The following PAPPA2 variants were observed in gnomAD, a reference collection of about 807,000 sequenced individuals.
PAPPA2 encodes the protein pappalysin-2.
A neutral mutation model predicts 176.4 loss-of-function variants in PAPPA2; 86 were observed. The ratio of observed to expected loss-of-function variants is 0.49; its 90% CI spans 0.41 to 0.58. The LOEUF is 0.58. Ranked by LOEUF, PAPPA2 falls within the 20% of genes least tolerant of loss-of-function variation. PAPPA2 has a pLI of 0.00. For synonymous variants in PAPPA2, 809 were observed against 852.2 expected (o/e 0.95, Z 0.88); for missense variants, 2,073 against 2,256.9 (o/e 0.92, Z 1.65).
At chr1:176,501,124 A>T (rs77009658) in intron 1 of PAPPA2, among the ~76,000 whole-genome samples, 1 of 149,878 alleles carries the variant, frequency 6.7e-6, no homozygotes, top group Non-Finnish European at 1.5e-5. Context: ...ATACAATTAT[A>T]TGAAAGAAAT....
At chr1:176,631,618 G>A (rs1558484298) in intron 3 of PAPPA2, among the ~76,000 whole-genome samples, 1 of 152,150 alleles carries the variant, frequency 6.6e-6, no homozygotes, top group Non-Finnish European at 1.5e-5. Context: ...ATAAAGACAG[G>A]AAAATCTTGA....
chr1:176,571,769 A>C (rs984433181), intron 2 of PAPPA2, among the ~76,000 whole-genome samples: 4 of 152,216 alleles, frequency 2.6e-5, no homozygotes, highest in Non-Finnish European at 5.9e-5. Context: ...ACTAACTATA[A>C]TATTTTAGTT....
chr1:176,525,886 T>G (rs944648788), intron 1 of PAPPA2, among the ~76,000 whole-genome samples: 1 of 152,212 alleles, frequency 6.6e-6, no homozygotes, highest in Non-Finnish European at 1.5e-5. Context: ...TCCTCTACTT[T>G]GGAATTTTGA....
chr1:176,815,633 C>A (rs1488342185), intron 21 of PAPPA2, among the ~76,000 whole-genome samples: 1 of 152,100 alleles, frequency 6.6e-6, no homozygotes, highest in African/African-American at 2.4e-5. Context: ...GACACAGCCT[C>A]AGGAGGTTGT....
intron 17 of PAPPA2, among the ~76,000 whole-genome samples, chr1:176,771,760 G>A (rs182034254): frequency 4.5e-4 from 68 of 152,100 alleles, no homozygotes; most frequent in African/African-American, 1.6e-3. Flanking sequence ...TTACGTATGT[G>A]CACTCCTAGA....
At chr1:176,487,973 A>G (rs1382182360) in intron 1 of PAPPA2, among the ~76,000 whole-genome samples, 1 of 152,218 alleles carries the variant, frequency 6.6e-6, no homozygotes, top group Non-Finnish European at 1.5e-5. Flanking sequence ...TTAGGCAGGT[A>G]AGTAGAAAAA....
intron 4 of PAPPA2, among the ~76,000 whole-genome samples, chr1:176,681,329 C>A (rs920835531): frequency 2.6e-5 from 4 of 152,182 alleles, no homozygotes; most frequent in East Asian, 1.9e-4. Flanking sequence ...AGCACCAAGT[C>A]TCTCACTGAG....
At chr1:176,700,898 G>T (rs533924003) in intron 8 of PAPPA2, among the ~76,000 whole-genome samples, 3 of 152,164 alleles carry the variant, frequency 2.0e-5, no homozygotes, top group Admixed American at 2.0e-4. Context: ...TCCCATATTT[G>T]CTCTGTCAAT....
intron 17 of PAPPA2, among the ~76,000 whole-genome samples, chr1:176,774,259 T>A (rs537100276): frequency 5.9e-5 from 9 of 152,258 alleles, no homozygotes; most frequent in African/African-American, 1.7e-4. Flanking sequence ...TCAGTTACCA[T>A]CTGCGTGCTG....
intron 21 of PAPPA2, among the ~76,000 whole-genome samples, chr1:176,832,395 C>T (rs531489929): frequency 1.2e-3 from 190 of 152,274 alleles, no homozygotes; most frequent in African/African-American, 4.4e-3. Flanking sequence ...GTCTCACTCT[C>T]ACCCAGGAGG....
At position 176,695,595 on chromosome 1, in the gene PAPPA2, A is replaced by T. The variant is rs564223894; in HGVS notation, c.2625-143A>T. ...GTCCACACAAGAAAAAACGATTGAGATACAGTTGTTCTTAGTTACTCTCTA... is the reference window on the plus strand; with the variant it reads ...GTCCACACAAGAAAAAACGATTGAGTTACAGTTGTTCTTAGTTACTCTCTA... On this transcript the variant is annotated intron_variant, in intron 6 of 22. Transcript: ENST00000367662. The T allele has an allele frequency of 1.1e-4, 98 of 911,582 alleles. 1 individual carries two copies. Among genetic ancestry groups the T allele is most frequent in the Admixed American group, 6.1e-4 (25 of 40,986 alleles). The allele number at this position is 911,582 out of a possible 1,614,324, so 56.5% of individuals were successfully genotyped here.
intron 17 of PAPPA2, among the ~76,000 whole-genome samples, chr1:176,781,893 C>G (rs1406551175): frequency 1.3e-5 from 2 of 152,104 alleles, no homozygotes; most frequent in Non-Finnish European, 2.9e-5. Context: ...GGCTTTCTAA[C>G]TTCAGTTCAA....
chr1:176,480,805 A>G (rs1652357930), intron 1 of PAPPA2, among the ~76,000 whole-genome samples: 2 of 152,080 alleles, frequency 1.3e-5, no homozygotes, highest in African/African-American at 2.4e-5. Flanking sequence ...CTTGCCAGCA[A>G]GGAAAATCCT....
At chr1:176,623,280 C>G (rs1395461) in intron 3 of PAPPA2, among the ~76,000 whole-genome samples, 1 of 152,140 alleles carries the variant, frequency 6.6e-6, no homozygotes, top group South Asian at 2.1e-4. Flanking sequence ...CTGCTCTGAA[C>G]GAAGTCTTTT....
chr1:176,703,499 G>T (rs1347560167), intron 9 of PAPPA2, among the ~76,000 whole-genome samples: 2 of 152,188 alleles, frequency 1.3e-5, no homozygotes, highest in Admixed American at 6.5e-5. Flanking sequence ...ATATAAAGCT[G>T]CTGGGATGAG....
At chr1:176,703,553 C>T (rs1660754174) in intron 9 of PAPPA2, among the ~76,000 whole-genome samples, 1 of 152,136 alleles carries the variant, frequency 6.6e-6, no homozygotes, top group Non-Finnish European at 1.5e-5. Context: ...GATTTTGCAT[C>T]CTAATAAGAT....
rs201893312 is a variant in PAPPA2 at position 176,695,759 on chromosome 1, C to T, written c.2646C>T (p.Gly882=). 166 of 1,613,866 alleles carry T rather than the reference C, an allele frequency of 1.0e-4. No homozygotes were observed. The highest frequency in any genetic ancestry group is 4.0e-4 in the Admixed American group (24 of 59,988). ...CCAGGGCCTCAGGCAGCTTGTGTGG[C>T]GCTTGCACTGAAGATGGGACCTTTC... is the stretch of plus-strand genomic sequence containing the variant. The part of the protein sequence containing the change: ...VYDRASGSLC[G]ACTEDGTFRQ... The change falls in exon 7 of 23, where the codon GGC becomes GGT. Residue 882 remains glycine (G), a synonymous_variant. Coordinates refer to ENST00000367662, the MANE Select transcript of PAPPA2 (RefSeq NM_020318.3).
At chr1:176,623,742 C>G (rs566660263) in intron 3 of PAPPA2, among the ~76,000 whole-genome samples, 72 of 116,206 alleles carry the variant, frequency 6.2e-4, no homozygotes, top group African/African-American at 2.2e-3. Flanking sequence ...CTTTCTTTCT[C>G]TCTCTTTCCT....
intron 1 of PAPPA2, among the ~76,000 whole-genome samples, chr1:176,507,639 T>C (rs933852735): frequency 6.6e-6 from 1 of 152,132 alleles, no homozygotes; most frequent in African/African-American, 2.4e-5. Context: ...TGCAGCAACA[T>C]GGATGGAGCT....
Sources: gnomAD v4.1 joint callset for allele counts (sites outside exome capture counted in the v4.1 genomes callset) on GRCh38, gnomAD v4.1.1 for gene constraint, MANE v1.5 for transcripts, NCBI Gene and HGNC (gene_info 2026-07-23, HGNC 2026-07-21) for gene names.